Variants in GLUL observed in about 807,000 individuals in gnomAD.
GLUL encodes the protein glutamine synthetase.
Under a neutral mutation model 36.9 loss-of-function variants are expected in GLUL, and 8 were observed. That is an observed-to-expected ratio of 0.22 (90% CI 0.13 to 0.39). The LOEUF is 0.39. GLUL is among the 10% of genes least tolerant of loss of function. The pLI is 1.00. For missense variants in GLUL, 315 were observed against 501.8 expected, an observed-to-expected ratio of 0.63 and a Z score of 3.56; for synonymous variants, 182 against 172.8, an observed-to-expected ratio of 1.05 and a Z score of -0.42.
rs886045613 is a variant in GLUL at position 182,384,006 on chromosome 1, G to A, written c.*399C>T. The stretch of plus-strand genomic sequence containing the variant: ...AGAAAAGTTTCCACCACGAGGGCAA[G>A]TCCTAACCTAACCAGAGTACGTCAG... On this transcript the variant is annotated 3_prime_UTR_variant, in exon 7 of 7. Transcript: ENST00000331872. 9.7e-5 allele frequency: 24 copies of A among 247,464 alleles called. No homozygotes were observed. Among genetic ancestry groups the A allele is most frequent in the Admixed American group, 2.0e-4 (4 of 20,040 alleles). The allele number at this position is 247,464 out of a possible 1,614,324, so 15.3% of individuals were successfully genotyped here. A position where few individuals can be genotyped will look rare whatever the true frequency, so the allele number is the denominator to read the frequency against.
At chr1:182,385,042 A>G (rs78353586) in intron 6 of GLUL, 1 of 169,990 alleles carries the variant, frequency 5.9e-6, no homozygotes, top group Non-Finnish European at 9.5e-6. Flanking sequence ...ACCATGACAT[A>G]TGTCACAAAT....
intron 6 of GLUL, chr1:182,384,929 T>G: frequency 1.6e-6 from 1 of 608,154 alleles, no homozygotes; most frequent in Non-Finnish European, 2.9e-6. Flanking sequence ...CATTTGAAAC[T>G]TTCTCCCCCT....
Position 182,378,289 on chromosome 1 carries a change from C to T in GLUL, c.*6116G>A, listed in dbSNP as rs944466874. On this transcript the variant is annotated 3_prime_UTR_variant, in exon 7 of 7. Transcript: ENST00000331872. ...AATCCATCAAAAAGAGGACAACTTG[C>T]TCAGGTACAAGGCCCCTGAAAAGTA... is the stretch of plus-strand genomic sequence containing the variant. 3.3e-5 allele frequency among the ~76,000 whole-genome samples: 5 copies of T among 152,194 alleles called. No homozygotes were observed. The highest frequency in any genetic ancestry group is 1.2e-4 in the African/African-American group (5 of 41,448).
At position 182,379,395 on chromosome 1, in the gene GLUL, G is replaced by T. The variant is rs750667709; in HGVS notation, c.*5010C>A. 5.3e-5 allele frequency among the ~76,000 whole-genome samples: 8 copies of T among 151,830 alleles called. No individual in the cohort carries two copies. The highest frequency in any genetic ancestry group is 1.0e-4 in the Non-Finnish European group (7 of 67,978). On this transcript the variant is annotated 3_prime_UTR_variant, in exon 7 of 7. Coordinates refer to ENST00000331872, the MANE Select transcript of GLUL (RefSeq NM_001033044.4). Reference sequence around the variant, plus strand: ...CCACCACCACATCTTGCTAATTTTGGTATTTTTAATAGAGACAAGGTTTCA... The same window carrying T: ...CCACCACCACATCTTGCTAATTTTGTTATTTTTAATAGAGACAAGGTTTCA...
Position 182,380,047 on chromosome 1 carries a change from C to G in GLUL, c.*4358G>C, listed in dbSNP as rs544367294. 1.3e-5 allele frequency among the ~76,000 whole-genome samples: 2 copies of G among 151,970 alleles called. No individual in the cohort carries two copies. Among genetic ancestry groups the G allele is most frequent in the East Asian group, 3.9e-4 (2 of 5,158 alleles). Reference sequence around the variant, plus strand: ...TTAGTAGAGACACAGCTTGTTTCACCATATTGGCCCGGCTGGTCTCAAACT... The same window carrying G: ...TTAGTAGAGACACAGCTTGTTTCACGATATTGGCCCGGCTGGTCTCAAACT... On this transcript the variant is annotated 3_prime_UTR_variant, in exon 7 of 7. Transcript: ENST00000331872.
In GLUL at chr1:182,379,325, C is replaced by T. The variant is rs563113400; in HGVS notation, c.*5080G>A. Among the ~76,000 whole-genome samples, 125 of 152,084 alleles carry T rather than the reference C, an allele frequency of 8.2e-4. 2 individuals carry two copies. Among genetic ancestry groups the T allele is most frequent in the African/African-American group, 2.9e-3 (121 of 41,474 alleles). ...GTAACCTCTGCCTCCCTGGCTCCAG[C>T]GATCCTCCTGCCTCAGCCTCCTGAG... On this transcript the variant is annotated 3_prime_UTR_variant, in exon 7 of 7. Transcript: ENST00000331872.
rs1036297525 is a variant in GLUL, at chr1:182,381,077, G to T, written c.*3328C>A. 3.9e-5 allele frequency among the ~76,000 whole-genome samples: 6 copies of T among 152,188 alleles called. No homozygotes were observed. Among genetic ancestry groups the T allele is most frequent in the Non-Finnish European group, 8.8e-5 (6 of 68,040 alleles). On this transcript the variant is annotated 3_prime_UTR_variant, in exon 7 of 7. Coordinates refer to ENST00000331872, the MANE Select transcript of GLUL (RefSeq NM_001033044.4). ...AGATCAGGAGTTCAAGACCAGCCTG[G>T]CCAACATGGTGAAACCCCATCTGTA... is the stretch of plus-strand genomic sequence containing the variant.
chr1:182,385,093 T>C (rs1052206563), intron 6 of GLUL: 2 of 271,814 alleles, frequency 7.4e-6, no homozygotes, highest in South Asian at 5.5e-5. Flanking sequence ...ATATGACTAA[T>C]ATATATTATA....
rs146683867 is a variant in GLUL, at chr1:182,378,482, T to C, written c.*5923A>G. 7.9e-4 allele frequency among the ~76,000 whole-genome samples: 121 copies of C among 152,342 alleles called. 1 individual carries two copies. The East Asian group carries it at 0.023, about 29-fold the overall frequency. ...CATAAAGCATGGCAGAGTGGGTAAT[T>C]AATTGGAAAGAGTTGGCAGTAGAAC... On this transcript the variant is annotated 3_prime_UTR_variant, in exon 7 of 7. Transcript: ENST00000331872.
chr1:182,386,272 G>A lies in GLUL; in HGVS notation c.459C>T (p.Gly153=). The change falls in exon 4 of 7, where the codon GGC becomes GGT. Residue 153 remains glycine, a synonymous_variant. Coordinates refer to ENST00000331872, the MANE Select transcript of GLUL (RefSeq NM_001033044.4). Reference sequence around the variant, plus strand: ...GAGACTTACCCTGGGGCCCTGGGAAGCCGTTGGAAGGCCAACCAAAGGGGT... The same window carrying A: ...GAGACTTACCCTGGGGCCCTGGGAAACCGTTGGAAGGCCAACCAAAGGGGT... ...DGHPFGWPSN[G]FPGPQGPYYC... 6.2e-7 allele frequency: 1 copy of A among 1,613,522 alleles called. No homozygotes were observed. Among genetic ancestry groups the A allele is most frequent in the East Asian group, 2.2e-5 (1 of 44,868 alleles).
intron 4 of GLUL, 123 bp from the exon 5 acceptor site, chr1:182,386,010 C>A: frequency 9.3e-7 from 1 of 1,071,984 alleles, no homozygotes; most frequent in Non-Finnish European, 1.5e-6. Flanking sequence ...TCTGCAGGTG[C>A]GGGGCAGGGG....
chr1:182,387,401 C>G, intron 2 of GLUL, 109 bp from the exon 3 acceptor site: 1 of 835,508 alleles, frequency 1.2e-6, no homozygotes, highest in Non-Finnish European at 2.1e-6. Context: ...ATCTCTTTTC[C>G]AGGAATTCAT....
chr1:182,380,195 T>C lies in GLUL; in HGVS notation c.*4210A>G, dbSNP rs1355869828. Among the ~76,000 whole-genome samples the C allele has an allele frequency of 6.6e-6, 1 of 152,204 alleles. No homozygotes were observed. The highest frequency in any genetic ancestry group is 1.5e-5 in the Non-Finnish European group (1 of 68,044). ...AAGGCTCTTGGTAGCCTGATTACAA[T>C]GAGAATTAATTAAGTACACTATTTT... On this transcript the variant is annotated 3_prime_UTR_variant, in exon 7 of 7. Transcript: ENST00000331872.
rs1298560916 is a variant in GLUL at position 182,383,126 on chromosome 1, G to A, written c.*1279C>T. ...ATAAAAGAAAAAAAATAATTCTTCAGCAGTCTTAACAAAGACATCAAGATA... is the reference window on the plus strand; with the variant it reads ...ATAAAAGAAAAAAAATAATTCTTCAACAGTCTTAACAAAGACATCAAGATA... On this transcript the variant is annotated 3_prime_UTR_variant, in exon 7 of 7. Coordinates refer to ENST00000331872, the MANE Select transcript of GLUL (RefSeq NM_001033044.4). The A allele has an allele frequency of 6.6e-6, 1 of 152,100 alleles. No homozygotes were observed. The highest frequency in any genetic ancestry group is 6.6e-5 in the Admixed American group (1 of 15,256). The allele number at this position is 152,100 out of a possible 1,614,324, so 9.4% of individuals were successfully genotyped here. A position where few individuals can be genotyped will look rare whatever the true frequency, so the allele number is the denominator to read the frequency against.
rs1649944480 is a variant in GLUL at position 182,381,930 on chromosome 1, AG to A, written c.*2474del. Reference sequence around the variant, plus strand: ...AACAGGCATAAACTAGGACCACGCCAGCAAGCTAATAGGTAGATGACTCTAC... The same window carrying A: ...AACAGGCATAAACTAGGACCACGCCACAAGCTAATAGGTAGATGACTCTAC... On this transcript the variant is annotated 3_prime_UTR_variant, in exon 7 of 7. Coordinates refer to ENST00000331872, the MANE Select transcript of GLUL (RefSeq NM_001033044.4). 1 of 152,246 alleles carries A rather than the reference AG, an allele frequency of 6.6e-6. No individual in the cohort carries two copies. The highest frequency in any genetic ancestry group is 6.5e-5 in the Admixed American group (1 of 15,288). The allele number at this position is 152,246 out of a possible 1,614,324, so 9.4% of individuals were successfully genotyped here.
rs6699943 is a variant in GLUL at position 182,386,185 on chromosome 1, T to C, written c.475+71A>G. ...TTCTTGATTCTGAAAGTCATTCCCA[T>C]CCCTGGGAAGGGGCATTCCTGCACA... On this transcript the variant is annotated intron_variant, in intron 4 of 6. Coordinates refer to ENST00000331872, the MANE Select transcript of GLUL (RefSeq NM_001033044.4). 0.02 allele frequency: 27,896 copies of C among 1,417,132 alleles called. 605 individuals are homozygous for C. Among genetic ancestry groups the C allele is most frequent in the African/African-American group, 0.081 (5,779 of 71,222 alleles). 87.8% of individuals were successfully genotyped at this position (1,417,132 alleles called of 1,614,324 possible).
chr1:182,388,282 A>G (rs1328153367), intron 2 of GLUL, among the ~76,000 whole-genome samples: 2 of 152,226 alleles, frequency 1.3e-5, no homozygotes, highest in Non-Finnish European at 2.9e-5. Flanking sequence ...GGGGATGTCC[A>G]GGTCGGCAAC....
Position 182,385,464 on chromosome 1 carries a change from A to G in GLUL, c.696T>C (p.Phe232=), listed in dbSNP as rs760418703. 52 of 1,613,838 alleles carry G rather than the reference A, an allele frequency of 3.2e-5. No homozygotes were observed. Among genetic ancestry groups the G allele is most frequent in the Non-Finnish European group, 4.2e-5 (50 of 1,179,822 alleles). The stretch of plus-strand genomic sequence containing the variant: ...TAGGATCAAAGGTTGCTATCACTCC[A>G]AAGTCTTCACACACACGATGCAAGA... ...RFILHRVCED[F]GVIATFDPKP... The change falls in exon 6 of 7, where the codon TTT becomes TTC. Residue 232 remains phenylalanine, a synonymous_variant. Coordinates refer to ENST00000331872, the MANE Select transcript of GLUL (RefSeq NM_001033044.4).
intron 4 of GLUL, 153 bp from the exon 5 acceptor site, chr1:182,386,040 C>T: frequency 1.1e-6 from 1 of 886,692 alleles, no homozygotes; most frequent in Non-Finnish European, 1.9e-6. Flanking sequence ...AGGGGAGTTC[C>T]TCTTCACCAC....
Sources: allele counts gnomAD v4.1 joint callset (sites outside exome capture counted in the v4.1 genomes callset), GRCh38; gene constraint gnomAD v4.1.1; transcripts MANE v1.5; gene names NCBI Gene and HGNC (gene_info 2026-07-23, HGNC 2026-07-21).